The following SPMAP2L variants were observed in gnomAD, a reference collection of about 807,000 sequenced individuals.
SPMAP2L encodes sperm microtubule associated protein 2-like.
At chr4:56,594,425 G>A in the SPMAP2L span, 1 of 1,599,684 alleles carries the variant, frequency 6.3e-7, no homozygotes, top group East Asian at 2.2e-5. Flanking sequence ...CCAAGCTCAA[G>A]GATATCAGCA....
the SPMAP2L span, among the ~76,000 whole-genome samples, chr4:56,624,527 A>G: frequency 3.3e-5 from 5 of 152,102 alleles, no homozygotes; most frequent in African/African-American, 4.8e-5. Context: ...GAGGCCTAGG[A>G]GGAAAAAGTG....
chr4:56,621,074 G>GA, the SPMAP2L span, among the ~76,000 whole-genome samples: 2 of 151,356 alleles, frequency 1.3e-5, no homozygotes, highest in African/African-American at 2.4e-5. Context: ...AAACTGGACG[G>GA]AAAAAAAACG....
chr4:56,586,222 A>G, the SPMAP2L span, among the ~76,000 whole-genome samples: 1 of 152,184 alleles, frequency 6.6e-6, no homozygotes, highest in Non-Finnish European at 1.5e-5. Flanking sequence ...TAAATTAAAC[A>G]AAAGATATTT....
the SPMAP2L span, among the ~76,000 whole-genome samples, chr4:56,589,367 G>A: frequency 6.6e-6 from 1 of 152,170 alleles, no homozygotes; most frequent in South Asian, 2.1e-4. Flanking sequence ...CAGGTAGTGT[G>A]AGGCCTCCAG....
the SPMAP2L span, among the ~76,000 whole-genome samples, chr4:56,552,786 G>T: frequency 2.6e-5 from 4 of 152,052 alleles, no homozygotes; most frequent in African/African-American, 7.2e-5. Flanking sequence ...CTTAAATTTG[G>T]CTGTACATTG....
chr4:56,531,067 C>T, the SPMAP2L span: 4 of 1,535,538 alleles, frequency 2.6e-6, no homozygotes, highest in Admixed American at 3.9e-5. Flanking sequence ...CCGCAAGTCC[C>T]GCGAGGCCAA....
At chr4:56,572,659 A>G in the SPMAP2L span, among the ~76,000 whole-genome samples, 17 of 152,114 alleles carry the variant, frequency 1.1e-4, no homozygotes. Flanking sequence ...TTATTTTACA[A>G]GTTTTGTATA....
chr4:56,554,274 A>C, the SPMAP2L span, among the ~76,000 whole-genome samples: 1 of 152,206 alleles, frequency 6.6e-6, no homozygotes, highest in African/African-American at 2.4e-5. Flanking sequence ...CTCTTCTAAG[A>C]TGACTGTACC....
chr4:56,612,787 G>A, the SPMAP2L span, among the ~76,000 whole-genome samples: 3 of 151,726 alleles, frequency 2.0e-5, no homozygotes, highest in South Asian at 2.1e-4. Context: ...GGCTGGTCTC[G>A]AACTCCTGAC....
the SPMAP2L span, chr4:56,593,336 A>G: frequency 8.7e-7 from 1 of 1,144,032 alleles, no homozygotes; most frequent in Non-Finnish European, 1.3e-6. Context: ...TGCCACCCAC[A>G]GACAATAGCT....
the SPMAP2L span, among the ~76,000 whole-genome samples, chr4:56,615,473 A>G: frequency 6.6e-6 from 1 of 152,296 alleles, no homozygotes; most frequent in East Asian, 1.9e-4. Context: ...TTGGCTGGGC[A>G]CAGTGGGACA....
At chr4:56,547,585 A>G in the SPMAP2L span, among the ~76,000 whole-genome samples, 5 of 152,134 alleles carry the variant, frequency 3.3e-5, no homozygotes, top group Non-Finnish European at 5.9e-5. Context: ...TAATCCTCCT[A>G]TCTGAGAAGG....
the SPMAP2L span, among the ~76,000 whole-genome samples, chr4:56,570,767 C>T: frequency 1.3e-5 from 2 of 151,776 alleles, no homozygotes; most frequent in East Asian, 1.9e-4. Flanking sequence ...TTCACTTTAG[C>T]TCACAATAAG....
the SPMAP2L span, among the ~76,000 whole-genome samples, chr4:56,538,646 T>C: frequency 6.6e-6 from 1 of 152,040 alleles, no homozygotes; most frequent in Non-Finnish European, 1.5e-5. Context: ...CTACTAAAAA[T>C]ATAAAAATTA....
the SPMAP2L span, among the ~76,000 whole-genome samples, chr4:56,615,784 A>C: frequency 6.7e-6 from 1 of 148,484 alleles, no homozygotes; most frequent in East Asian, 2.0e-4. Context: ...AACAAACAAA[A>C]TAAATACTTA....
chr4:56,569,126 G>A, the SPMAP2L span, among the ~76,000 whole-genome samples: 1 of 152,186 alleles, frequency 6.6e-6, no homozygotes, highest in Non-Finnish European at 1.5e-5. Flanking sequence ...TTGTGTACAA[G>A]CTTTTGTGTG....
At chr4:56,592,014 C>A in the SPMAP2L span, among the ~76,000 whole-genome samples, 4 of 152,178 alleles carry the variant, frequency 2.6e-5, no homozygotes, top group African/African-American at 4.8e-5. Context: ...CAATACCGGT[C>A]CGTGGCCTGT....
chr4:56,567,030 C>T, the SPMAP2L span, among the ~76,000 whole-genome samples: 1,327 of 152,178 alleles, frequency 8.7e-3, 13 homozygotes, highest in Non-Finnish European at 0.014. Context: ...ATTACCATTT[C>T]CCTACTTCTG....
the SPMAP2L span, chr4:56,592,912 G>A: frequency 1.4e-5 from 22 of 1,607,296 alleles, no homozygotes; most frequent in Non-Finnish European, 1.9e-5. Flanking sequence ...TGGGGCTGGC[G>A]AGCATTGATG....
Sources: allele counts gnomAD v4.1 joint callset (sites outside exome capture counted in the v4.1 genomes callset), GRCh38; gene constraint gnomAD v4.1.1; transcripts MANE v1.5; gene names NCBI Gene and HGNC (gene_info 2026-07-23, HGNC 2026-07-21).